The following OCA2 variants were observed in gnomAD, a reference collection of about 807,000 sequenced individuals.
OCA2 encodes the protein OCA2 melanosomal transmembrane protein, also known as P protein.
A neutral mutation model predicts 100.2 loss-of-function variants in OCA2; 77 were observed. That is an observed-to-expected ratio of 0.77 (90% confidence interval 0.64 to 0.93). OCA2 has a LOEUF of 0.93. Among genes scored for constraint, OCA2 ranks in the 40% least tolerant of loss-of-function variants. The pLI is 0.00. For missense variants in OCA2, 1,062 were observed against 1,089.1 expected, an observed-to-expected ratio of 0.98 and a Z score of 0.35; for synonymous variants, 432 against 439.2, an observed-to-expected ratio of 0.98 and a Z score of 0.21.
chr15:27,880,491 A>T (rs1297661009), intron 19 of OCA2, among the ~76,000 whole-genome samples: 2 of 152,192 alleles, frequency 1.3e-5, no homozygotes, highest in South Asian at 2.1e-4. Context: ...ATCCATGAAC[A>T]TGGTATGTTT....
intron 9 of OCA2, among the ~76,000 whole-genome samples, chr15:28,012,620 G>T (rs1362060703): frequency 6.6e-6 from 1 of 152,058 alleles, no homozygotes; most frequent in Non-Finnish European, 1.5e-5. Flanking sequence ...TTAAAATCTA[G>T]AAATGGCTTT....
intron 19 of OCA2, among the ~76,000 whole-genome samples, chr15:27,916,258 T>C (rs975318747): frequency 6.6e-6 from 1 of 152,114 alleles, no homozygotes; most frequent in Non-Finnish European, 1.5e-5. Flanking sequence ...GCTTATTACC[T>C]GAGTGATGAA....
chr15:27,954,116 T>TACACACACACACACAC lies in OCA2; in HGVS notation c.1842+1026_1842+1041dup, dbSNP rs200633980. The stretch of plus-strand genomic sequence containing the variant: ...TATGGCTGAGTAGTATTCCATGGCA[T>TACACACACACACACAC]ACACACACACACACACACACACACA... On this transcript the variant is annotated intron_variant, in intron 17 of 23. Coordinates refer to ENST00000354638, the MANE Select transcript of OCA2 (RefSeq NM_000275.3). Among the ~76,000 whole-genome samples, 110 of 46,482 alleles carry TACACACACACACACAC rather than the reference T, an allele frequency of 2.4e-3. 1 individual carries two copies. The highest frequency in any genetic ancestry group is 3.9e-3 in the African/African-American group (108 of 27,436). 30.5% of individuals were successfully genotyped at this position (46,482 alleles called of 152,430 possible).
chr15:27,773,049 T>G (rs990744894), intron 23 of OCA2, among the ~76,000 whole-genome samples: 1 of 152,148 alleles, frequency 6.6e-6, no homozygotes, highest in Non-Finnish European at 1.5e-5. Context: ...CTCATTGAAT[T>G]TTTAAATATG....
intron 23 of OCA2, among the ~76,000 whole-genome samples, chr15:27,800,341 C>G (rs1197678917): frequency 6.6e-6 from 1 of 151,356 alleles, no homozygotes; most frequent in Non-Finnish European, 1.5e-5. Flanking sequence ...AAGAAAATAA[C>G]AAGATCAAAG....
intron 23 of OCA2, among the ~76,000 whole-genome samples, chr15:27,825,214 C>A (rs1169242574): frequency 6.6e-6 from 1 of 152,154 alleles, no homozygotes; most frequent in Non-Finnish European, 1.5e-5. Context: ...GGAGGGCAGC[C>A]CGCTGTGCAC....
intron 18 of OCA2, among the ~76,000 whole-genome samples, chr15:27,945,690 A>G (rs1300370135): frequency 6.6e-6 from 1 of 152,236 alleles, no homozygotes; most frequent in African/African-American, 2.4e-5. Context: ...GAGGGACACC[A>G]AGGGACAGGG....
rs751309779 is a variant in OCA2, at chr15:28,018,538, G to C, written c.666C>G (p.His222Gln). Residue 222 changes from histidine (H) to glutamine (Q), a missense_variant, in exon 7 of 24, where the codon CAC becomes CAG. Coordinates refer to ENST00000354638, the MANE Select transcript of OCA2 (RefSeq NM_000275.3). The stretch of plus-strand genomic sequence containing the variant: ...CCACCTGCAGCAGCGTGGAGTCCAC[G>C]TGGCTGCTAAGGTTCACGGCTCGGA... ...LENYSVNLSS[H>Q]VDSTLLQVDL... The C allele has an allele frequency of 6.2e-7, 1 of 1,613,398 alleles. No individual in the cohort carries two copies.
At chr15:27,942,800 T>C (rs2039697392) in intron 18 of OCA2, among the ~76,000 whole-genome samples, 1 of 152,168 alleles carries the variant, frequency 6.6e-6, no homozygotes, top group East Asian at 1.9e-4. Flanking sequence ...ATTATTCTAA[T>C]TGACTTATAA....
At chr15:27,817,015 C>T (rs1487825937) in intron 23 of OCA2, among the ~76,000 whole-genome samples, 1 of 152,174 alleles carries the variant, frequency 6.6e-6, no homozygotes, top group Non-Finnish European at 1.5e-5. Context: ...TCTCTGTTCT[C>T]ACCACTTACT....
chr15:27,871,116 C>G (rs771630424), intron 21 of OCA2, 38 bp downstream of exon 21: 11 of 1,490,056 alleles, frequency 7.4e-6, no homozygotes, highest in Non-Finnish European at 1.0e-5. Context: ...TATGTCCAGG[C>G]TAAAGTTGAG....
At chr15:27,965,139 G>A (rs544380159) in intron 15 of OCA2, among the ~76,000 whole-genome samples, 52 of 152,196 alleles carry the variant, frequency 3.4e-4, no homozygotes, top group Non-Finnish European at 2.9e-4. Context: ...GGCATAGTTG[G>A]GCAGGATGAC....
At chr15:27,982,166 T>C (rs894111400) in intron 14 of OCA2, among the ~76,000 whole-genome samples, 10 of 152,332 alleles carry the variant, frequency 6.6e-5, no homozygotes, top group East Asian at 1.9e-4. Flanking sequence ...TACTCATCTA[T>C]ATCCACATAC....
chr15:27,991,736 A>G (rs924997270), intron 9 of OCA2, among the ~76,000 whole-genome samples: 1 of 152,202 alleles, frequency 6.6e-6, no homozygotes, highest in Non-Finnish European at 1.5e-5. Flanking sequence ...TTTGTTAAAA[A>G]AATACAAAAA....
At chr15:27,799,012 A>G (rs2033470727) in intron 23 of OCA2, among the ~76,000 whole-genome samples, 1 of 152,244 alleles carries the variant, frequency 6.6e-6, no homozygotes, top group African/African-American at 2.4e-5. Flanking sequence ...TCACAATTGG[A>G]TCTTAAGAAA....
At chr15:27,994,776 G>A (rs562663112) in intron 9 of OCA2, among the ~76,000 whole-genome samples, 13 of 152,298 alleles carry the variant, frequency 8.5e-5, no homozygotes, top group South Asian at 2.1e-4. Flanking sequence ...GAGTTTGGGG[G>A]CAGCCCCCAA....
chr15:28,065,351 A>G (rs963293944), intron 2 of OCA2, among the ~76,000 whole-genome samples: 2 of 152,148 alleles, frequency 1.3e-5, no homozygotes, highest in South Asian at 4.1e-4. Flanking sequence ...CCTAGGTTTT[A>G]GGCAGTCTAT....
intron 2 of OCA2, among the ~76,000 whole-genome samples, chr15:28,068,541 C>T (rs1313471959): frequency 5.3e-5 from 8 of 152,188 alleles, no homozygotes; most frequent in Non-Finnish European, 8.8e-5. Context: ...CAATACTACT[C>T]AAACTATTCC....
chr15:27,996,131 C>A (rs1309414015), intron 9 of OCA2, among the ~76,000 whole-genome samples: 2 of 152,160 alleles, frequency 1.3e-5, no homozygotes, highest in Middle Eastern at 3.4e-3. Flanking sequence ...CTTGAGCAAC[C>A]AATGTGTCAT....
Sources: allele counts gnomAD v4.1 joint callset (sites outside exome capture counted in the v4.1 genomes callset), GRCh38; gene constraint gnomAD v4.1.1; transcripts MANE v1.5; gene names NCBI Gene and HGNC (gene_info 2026-07-23, HGNC 2026-07-21).